Variants in ATP8A1 observed in about 807,000 individuals in gnomAD.
The protein encoded by ATP8A1 is phospholipid-transporting ATPase IA.
Under a neutral mutation model 177.7 loss-of-function variants are expected in ATP8A1, and 90 were observed. The ratio of observed to expected loss-of-function variants is 0.51; its 90% CI spans 0.43 to 0.60. The LOEUF (loss-of-function observed/expected upper bound fraction) is 0.60, where lower values mean the gene tolerates loss of function less well. ATP8A1 is among the 20% of genes least tolerant of loss of function. The pLI, the probability that ATP8A1 is intolerant of heterozygous loss-of-function variation, is 0.00. For synonymous variants in ATP8A1, 493 were observed against 485.9 expected, an observed-to-expected ratio of 1.01 and a Z score of -0.19; for missense variants, 1,072 against 1,392.8, an observed-to-expected ratio of 0.77 and a Z score of 3.67.
intron 19 of ATP8A1, among the ~76,000 whole-genome samples, chr4:42,548,530 T>C (rs1729160038): frequency 6.6e-6 from 1 of 152,238 alleles, no homozygotes; most frequent in Non-Finnish European, 1.5e-5. Context: ...TCTTGATTAT[T>C]TAATACTTGT....
intron 29 of ATP8A1, among the ~76,000 whole-genome samples, chr4:42,454,913 T>A (rs1162441967): frequency 6.6e-6 from 1 of 152,098 alleles, no homozygotes; most frequent in Non-Finnish European, 1.5e-5. Flanking sequence ...TTTACACACA[T>A]AAAGCCAGTC....
chr4:42,508,691 T>A (rs1724696983), intron 22 of ATP8A1, among the ~76,000 whole-genome samples: 1 of 152,218 alleles, frequency 6.6e-6, no homozygotes. Flanking sequence ...CAACTGATTC[T>A]CAGTCTTGCC....
intron 5 of ATP8A1, among the ~76,000 whole-genome samples, chr4:42,605,510 C>T (rs1297528427): frequency 6.6e-6 from 1 of 152,176 alleles, no homozygotes; most frequent in Non-Finnish European, 1.5e-5. Context: ...TCAGATCCAA[C>T]AGATTATGCC....
intron 1 of ATP8A1, among the ~76,000 whole-genome samples, chr4:42,652,738 T>C (rs1026251945): frequency 3.3e-5 from 5 of 152,204 alleles, no homozygotes; most frequent in Admixed American, 6.5e-5. Flanking sequence ...CTGATAGTTT[T>C]ATAAAGAGCA....
intron 34 of ATP8A1, 67 bp downstream of exon 34, chr4:42,423,550 C>G: frequency 1.7e-6 from 2 of 1,150,798 alleles, no homozygotes; most frequent in Non-Finnish European, 2.5e-6. Flanking sequence ...GTTGATGTTA[C>G]CAAGAGAGAA....
chr4:42,472,209 A>C, intron 25 of ATP8A1: 1 of 604,410 alleles, frequency 1.7e-6, no homozygotes. Flanking sequence ...TCCCAAGTGA[A>C]ATTGTGGGCA....
In ATP8A1 at chr4:42,423,642, G is replaced by A; in HGVS notation, c.3187C>T (p.Leu1063=). Reference sequence around the variant, plus strand: ...ACCTTGTACACCACATCAAGGAGCAGAGATGCCACAGGGATGAATAACAAG... The same window carrying A: ...ACCTTGTACACCACATCAAGGAGCAAAGATGCCACAGGGATGAATAACAAG... ...MGLLFIPVAS[L]LLDVVYKVIK... The change falls in exon 34 of 37, where the codon CTG becomes TTG. Residue 1063 remains leucine (L), a synonymous_variant. Coordinates refer to ENST00000381668, the MANE Select transcript of ATP8A1 (RefSeq NM_006095.2). 1.2e-6 allele frequency: 2 copies of A among 1,612,490 alleles called. No homozygotes were observed. The highest frequency in any genetic ancestry group is 1.7e-6 in the Non-Finnish European group (2 of 1,179,256).
intron 33 of ATP8A1, among the ~76,000 whole-genome samples, chr4:42,436,438 TC>T (rs1228070061): frequency 1.3e-5 from 2 of 152,206 alleles, no homozygotes; most frequent in Non-Finnish European, 2.9e-5. Flanking sequence ...TGTTCAGAGG[TC>T]CTGATTCACG....
chr4:42,590,517 C>T (rs1009589965), intron 7 of ATP8A1, among the ~76,000 whole-genome samples: 10 of 151,942 alleles, frequency 6.6e-5, no homozygotes, highest in African/African-American at 1.2e-4. Flanking sequence ...TTATTAAATA[C>T]GAATATATAT....
chr4:42,487,916 T>C (rs1722356316), intron 24 of ATP8A1, among the ~76,000 whole-genome samples: 1 of 152,176 alleles, frequency 6.6e-6, no homozygotes, highest in African/African-American at 2.4e-5. Flanking sequence ...TATAGCAGCA[T>C]TCTTTGCAAA....
At chr4:42,552,964 C>T (rs1282258511) in intron 16 of ATP8A1, among the ~76,000 whole-genome samples, 1 of 152,106 alleles carries the variant, frequency 6.6e-6, no homozygotes, top group Non-Finnish European at 1.5e-5. Context: ...CTAGCCAGGA[C>T]AAGAGAGTGA....
intron 25 of ATP8A1, among the ~76,000 whole-genome samples, chr4:42,476,443 A>G (rs980318666): frequency 6.6e-6 from 1 of 151,910 alleles, no homozygotes; most frequent in African/African-American, 2.4e-5. Flanking sequence ...ATATGGTGAA[A>G]CCCTATCTTT....
intron 24 of ATP8A1, among the ~76,000 whole-genome samples, chr4:42,491,244 G>C (rs532050905): frequency 6.6e-6 from 1 of 152,058 alleles, no homozygotes; most frequent in African/African-American, 2.4e-5. Context: ...TAAAACAGTG[G>C]GCCAAGGAGA....
chr4:42,486,093 C>T (rs189289683), intron 24 of ATP8A1, among the ~76,000 whole-genome samples: 117 of 152,216 alleles, frequency 7.7e-4, no homozygotes, highest in Non-Finnish European at 1.2e-4. Context: ...AGTTTTGCCA[C>T]GAGAGTACAC....
intron 36 of ATP8A1, 138 bp from the exon 37 acceptor site, chr4:42,413,151 T>C (rs1449832951): frequency 1.5e-6 from 1 of 657,246 alleles, no homozygotes; most frequent in Non-Finnish European, 2.6e-6. Flanking sequence ...CACTGATTTT[T>C]AATGCCTAGA....
chr4:42,645,065 A>G (rs1740396670), intron 1 of ATP8A1, among the ~76,000 whole-genome samples: 1 of 152,224 alleles, frequency 6.6e-6, no homozygotes, highest in Admixed American at 6.5e-5. Context: ...GACACTGCAG[A>G]AAAGCTCATA....
rs748750232 is a variant in ATP8A1 at position 42,464,753 on chromosome 4, A to G, written c.2556T>C (p.Tyr852=). 5 of 1,613,772 alleles carry G rather than the reference A, an allele frequency of 3.1e-6. No individual in the cohort carries two copies. The African/African-American group carries it at 5.3e-5, about 17-fold the overall frequency. Residue 852 remains tyrosine (Y), a synonymous_variant, in exon 27 of 37, where the codon TAT becomes TAC. Transcript: ENST00000381668. ...ATAAGATGCACTTGGAGACTCTGTT[A>G]TAGTTCCAGGCACCATGAATCATCA... ...NLLMIHGAWN[Y]NRVSKCILYC...
At chr4:42,623,490 TA>T (rs1186514880) in intron 4 of ATP8A1, among the ~76,000 whole-genome samples, 3 of 152,274 alleles carry the variant, frequency 2.0e-5, no homozygotes, top group Admixed American at 2.0e-4. Context: ...GCGGTACATA[TA>T]CACCACGGAA....
intron 15 of ATP8A1, among the ~76,000 whole-genome samples, chr4:42,564,114 A>C (rs890692786): frequency 1.3e-5 from 2 of 152,172 alleles, no homozygotes; most frequent in African/African-American, 4.8e-5. Flanking sequence ...GGCGGGGAAA[A>C]TTGAGGTTTG....
Sources: allele counts gnomAD v4.1 joint callset (sites outside exome capture counted in the v4.1 genomes callset), GRCh38; gene constraint gnomAD v4.1.1; transcripts MANE v1.5; gene names NCBI Gene and HGNC (gene_info 2026-07-23, HGNC 2026-07-21).